Variants in DAB1 observed in about 807,000 individuals in gnomAD.
DAB1 encodes the protein DAB adaptor protein 1.
Under a neutral mutation model 64.6 loss-of-function variants are expected in DAB1, and 15 were observed. That is an observed-to-expected ratio of 0.23 (90% CI 0.16 to 0.36). DAB1 has a LOEUF of 0.36. DAB1 is among the 10% of genes least tolerant of loss of function. The probability of loss-of-function intolerance (pLI) is 1.00; values close to 1 mark genes in which losing one functional copy is unlikely to be tolerated. For missense variants in DAB1, 596 were observed against 706.7 expected (o/e 0.84, Z 1.78); for synonymous variants, 235 against 251.9 (o/e 0.93, Z 0.64).
At chr1:58,169,409 G>A (rs1237369681) in intron 4 of DAB1, among the ~76,000 whole-genome samples, 1 of 152,066 alleles carries the variant, frequency 6.6e-6, no homozygotes, top group Admixed American at 6.6e-5. Context: ...CTTTCAAATG[G>A]GAAACATTCA....
intron 4 of DAB1, among the ~76,000 whole-genome samples, chr1:58,304,578 T>C (rs1251009635): frequency 6.6e-6 from 1 of 152,218 alleles, no homozygotes; most frequent in East Asian, 1.9e-4. Context: ...GTGCATTTTC[T>C]AATTGTAAAA....
At chr1:58,038,994 C>G (rs1033485098) in intron 5 of DAB1, among the ~76,000 whole-genome samples, 3 of 152,244 alleles carry the variant, frequency 2.0e-5, no homozygotes, top group South Asian at 2.1e-4. Context: ...CCCTAGGGAG[C>G]CTCCACAGCC....
Position 57,291,066 on chromosome 1 carries a change from G to T in DAB1, c.-36C>A, listed in dbSNP as rs369563427. The T allele has an allele frequency of 9.9e-6, 15 of 1,515,546 alleles. No individual in the cohort carries two copies. Among genetic ancestry groups the T allele is most frequent in the Non-Finnish European group, 1.4e-5 (15 of 1,106,856 alleles). 93.9% of individuals were successfully genotyped at this position (1,515,546 alleles called of 1,614,324 possible). A position where few individuals can be genotyped will look rare whatever the true frequency, so the allele number is the denominator to read the frequency against. On this transcript the variant is annotated 5_prime_UTR_variant, in exon 2 of 15. Coordinates refer to ENST00000371236, the MANE Select transcript of DAB1 (RefSeq NM_001365792.1). ...CCTTAGTCCACTTCACACAGATCCC[G>T]GGCCTCGGCCAGGCTCATTGAGGAC...
chr1:57,521,720 A>G (rs1406792906), intron 7 of DAB1, among the ~76,000 whole-genome samples: 2 of 152,194 alleles, frequency 1.3e-5, no homozygotes, highest in African/African-American at 4.8e-5. Context: ...TGGCTGATAG[A>G]TAGAACATTA....
chr1:57,616,116 T>G (rs1558544185), intron 7 of DAB1, among the ~76,000 whole-genome samples: 1 of 152,216 alleles, frequency 6.6e-6, no homozygotes, highest in East Asian at 1.9e-4. Flanking sequence ...CTCCCTCATT[T>G]GCTCACTCAC....
chr1:58,539,733 G>A (rs992080494), intron 1 of DAB1, among the ~76,000 whole-genome samples: 1 of 152,198 alleles, frequency 6.6e-6, no homozygotes, highest in African/African-American at 2.4e-5. Context: ...ATGAAGAACA[G>A]TGATCCCTAA....
intron 2 of DAB1, among the ~76,000 whole-genome samples, chr1:57,214,434 T>C (rs1436439079): frequency 6.6e-6 from 1 of 152,210 alleles, no homozygotes; most frequent in Non-Finnish European, 1.5e-5. Context: ...AGAGAGATTC[T>C]TGTCTGTCAC....
chr1:57,324,157 G>A (rs1307845345), intron 1 of DAB1, among the ~76,000 whole-genome samples: 1 of 152,126 alleles, frequency 6.6e-6, no homozygotes, highest in East Asian at 1.9e-4. Context: ...AAATTAACAG[G>A]TCAATAGCAT....
chr1:57,263,658 A>G (rs1670369055), intron 2 of DAB1, among the ~76,000 whole-genome samples: 1 of 152,172 alleles, frequency 6.6e-6, no homozygotes, highest in South Asian at 2.1e-4. Context: ...GAGAAAATGT[A>G]TCTCTCAAAG....
Position 57,940,173 on chromosome 1 carries a change from T to A in DAB1, n.388-56011A>T, listed in dbSNP as rs572383267. ...AAAGTTTAGATATTCCGAGTTTGGT[T>A]TCAGTGAGGGATACAGGTCCTCCTA... On this transcript the variant is annotated intron_variant and non_coding_transcript_variant, in intron 5 of 20. Coordinates refer to the DAB1 transcript ENST00000485760. Among the ~76,000 whole-genome samples the A allele has an allele frequency of 8.6e-4, 131 of 152,310 alleles. 2 individuals are homozygous for A. Among genetic ancestry groups the A allele is most frequent in the Middle Eastern group, 3.4e-3 (1 of 294 alleles).
chr1:57,251,847 G>T (rs922558735), intron 2 of DAB1, among the ~76,000 whole-genome samples: 1 of 152,202 alleles, frequency 6.6e-6, no homozygotes, highest in Admixed American at 6.5e-5. Flanking sequence ...GAGATCAGAT[G>T]ATTTGGAATG....
intron 1 of DAB1, among the ~76,000 whole-genome samples, chr1:57,403,783 T>C (rs1023359831): frequency 6.6e-6 from 1 of 152,324 alleles, no homozygotes; most frequent in East Asian, 1.9e-4. Context: ...CTGTCCAGTA[T>C]AATAGCCATT....
chr1:57,252,008 G>A (rs966230317), intron 2 of DAB1, among the ~76,000 whole-genome samples: 1 of 152,188 alleles, frequency 6.6e-6, no homozygotes, highest in Non-Finnish European at 1.5e-5. Context: ...ACCTCAAGCT[G>A]TCGTGCTTTT....
chr1:57,374,209 G>A (rs915422656), intron 1 of DAB1, among the ~76,000 whole-genome samples: 1 of 152,042 alleles, frequency 6.6e-6, no homozygotes, highest in African/African-American at 2.4e-5. Flanking sequence ...CCAGTGATGA[G>A]GCTAAATATT....
intron 9 of DAB1, among the ~76,000 whole-genome samples, chr1:57,041,559 G>A (rs951989892): frequency 1.9e-4 from 29 of 152,268 alleles, no homozygotes; most frequent in African/African-American, 6.3e-4. Context: ...AATTAGACTC[G>A]ATTACTATCC....
intron 6 of DAB1, among the ~76,000 whole-genome samples, chr1:57,790,635 C>T (rs1224111740): frequency 2.6e-5 from 4 of 152,040 alleles, no homozygotes; most frequent in African/African-American, 9.7e-5. Flanking sequence ...AGAGGAGGGG[C>T]AGGTATGACA....
At chr1:57,769,118 C>G (rs1361574600) in intron 6 of DAB1, among the ~76,000 whole-genome samples, 1 of 152,148 alleles carries the variant, frequency 6.6e-6, no homozygotes, top group Non-Finnish European at 1.5e-5. Flanking sequence ...AGCAGAGGGC[C>G]TGCTGCATGG....
chr1:57,758,475 T>A (rs983180692), intron 6 of DAB1, among the ~76,000 whole-genome samples: 1 of 152,224 alleles, frequency 6.6e-6, no homozygotes, highest in African/African-American at 2.4e-5. Context: ...ATGATTGTTT[T>A]TATTTTACCA....
In DAB1 at chr1:58,485,228, T is replaced by TAAAAAAAAA. The variant is rs71043289; in HGVS notation, n.257+20823_257+20831dup. On this transcript the variant is annotated intron_variant and non_coding_transcript_variant, in intron 3 of 20. Coordinates refer to the DAB1 transcript ENST00000485760. ...GTCTAAAAATAAAAGAGTCTACTAC[T>TAAAAAAAAA]AAAAAAAAAAAAAAAAAAAAAAAAA... Among the ~76,000 whole-genome samples the TAAAAAAAAA allele has an allele frequency of 2.4e-3, 101 of 42,048 alleles. 3 individuals carry two copies. Among genetic ancestry groups the TAAAAAAAAA allele is most frequent in the African/African-American group, 9.3e-3 (96 of 10,282 alleles). 27.6% of individuals were successfully genotyped at this position (42,048 alleles called of 152,430 possible).
Sources: allele counts gnomAD v4.1 joint callset (sites outside exome capture counted in the v4.1 genomes callset), GRCh38; gene constraint gnomAD v4.1.1; transcripts MANE v1.5; gene names NCBI Gene and HGNC (gene_info 2026-07-23, HGNC 2026-07-21).